The following MTUS2 variants were observed in gnomAD, a reference collection of about 807,000 sequenced individuals.
The protein encoded by MTUS2 is microtubule-associated tumor suppressor candidate 2.
A neutral mutation model predicts 114.1 loss-of-function variants in MTUS2; 40 were observed. The observed-to-expected ratio is 0.35, with a 90% CI of 0.27 to 0.46. The LOEUF (loss-of-function observed/expected upper bound fraction) is 0.46, where lower values mean the gene tolerates loss of function less well. MTUS2 is among the 20% of genes least tolerant of loss of function. The pLI is 1.00. For synonymous variants in MTUS2, 688 were observed against 672.0 expected (o/e 1.02, Z -0.37); for missense variants, 1,679 against 1,705.4 (o/e 0.98, Z 0.27).
chr13:29,441,758 G>A (rs148582012), intron 9 of MTUS2, among the ~76,000 whole-genome samples: 187 of 152,164 alleles, frequency 1.2e-3, no homozygotes, highest in African/African-American at 4.2e-3. Context: ...CTGCCCTCCC[G>A]TGCATGCACA....
intron 5 of MTUS2, among the ~76,000 whole-genome samples, chr13:29,220,534 C>T (rs1036616219): frequency 2.6e-5 from 4 of 152,056 alleles, no homozygotes; most frequent in African/African-American, 9.7e-5. Context: ...TATTGTTGTG[C>T]CTTGGGGAAT....
At chr13:29,213,312 C>T (rs1895532173) in intron 5 of MTUS2, among the ~76,000 whole-genome samples, 1 of 152,186 alleles carries the variant, frequency 6.6e-6, no homozygotes, top group Non-Finnish European at 1.5e-5. Flanking sequence ...ACAGTGTCTA[C>T]TCTGCTGTTT....
intron 8 of MTUS2, among the ~76,000 whole-genome samples, chr13:29,405,743 C>CTTTT (rs35738274): frequency 1.1e-4 from 15 of 141,924 alleles, no homozygotes; most frequent in Admixed American, 5.7e-4. Context: ...TAATTAACTA[C>CTTTT]TTTTTTTTTT....
chr13:29,503,128 C>G lies in MTUS2; in HGVS notation c.4032C>G (p.Leu1344=), dbSNP rs771234334. 6.2e-7 allele frequency: 1 copy of G among 1,614,244 alleles called. No homozygotes were observed. The highest frequency in any genetic ancestry group is 8.5e-7 in the Non-Finnish European group (1 of 1,180,046). The change falls in exon 16 of 16, where the codon CTC becomes CTG. Residue 1344 remains leucine, a synonymous_variant. Transcript: ENST00000612955. ...GGGACCCGACCAGTCCGATTAAACT[C>G]TCGCCCACATCTCCCGTTTACCGCG... is the stretch of plus-strand genomic sequence containing the variant. The part of the protein sequence containing the change: ...QTGDPTSPIK[L]SPTSPVYRGS...
intron 14 of MTUS2, among the ~76,000 whole-genome samples, chr13:29,499,336 T>C (rs971890476): frequency 1.3e-5 from 2 of 152,164 alleles, no homozygotes; most frequent in Non-Finnish European, 1.5e-5. Flanking sequence ...CCCAGAAAAG[T>C]GTGCAAAGGG....
intron 5 of MTUS2, among the ~76,000 whole-genome samples, chr13:29,231,006 A>G (rs1896301664): frequency 6.6e-6 from 1 of 152,190 alleles, no homozygotes; most frequent in Non-Finnish European, 1.5e-5. Flanking sequence ...CTGATTTTAT[A>G]TAGCATAGCC....
At chr13:28,994,907 T>G (rs1285227625) in intron 2 of MTUS2, among the ~76,000 whole-genome samples, 1 of 152,178 alleles carries the variant, frequency 6.6e-6, no homozygotes, top group Non-Finnish European at 1.5e-5. Context: ...TTAGTTTAAT[T>G]AGATCCCCTT....
intron 8 of MTUS2, among the ~76,000 whole-genome samples, chr13:29,375,553 ATATACGTATATATATATAT>A (rs1871573472): frequency 2.8e-5 from 1 of 35,802 alleles, no homozygotes; most frequent in Non-Finnish European, 4.5e-5. Flanking sequence ...ATATATATAT[ATATACGTATATATATATAT>A]ACATATATAT....
intron 9 of MTUS2, among the ~76,000 whole-genome samples, chr13:29,449,541 CTG>C (rs1190629655): frequency 2.0e-5 from 3 of 152,102 alleles, no homozygotes; most frequent in African/African-American, 7.2e-5. Context: ...CATAAGAAAA[CTG>C]AGGGTCAGAA....
chr13:29,193,295 A>G (rs1199930245), intron 5 of MTUS2, among the ~76,000 whole-genome samples: 4 of 151,950 alleles, frequency 2.6e-5, no homozygotes, highest in African/African-American at 9.7e-5. Flanking sequence ...TATAGAACAC[A>G]CCATTCAGCT....
At chr13:29,073,074 C>T (rs893292526) in intron 4 of MTUS2, among the ~76,000 whole-genome samples, 13 of 151,866 alleles carry the variant, frequency 8.6e-5, no homozygotes, top group South Asian at 2.1e-4. Context: ...TATTCTAATC[C>T]GGTGGAAAAG....
At chr13:29,264,002 G>A (rs1897574532) in intron 5 of MTUS2, among the ~76,000 whole-genome samples, 1 of 152,148 alleles carries the variant, frequency 6.6e-6, no homozygotes, top group Non-Finnish European at 1.5e-5. Context: ...AAAGTCCAAA[G>A]GCTCATCTGA....
chr13:28,959,996 A>T (rs1052866425), intron 2 of MTUS2, among the ~76,000 whole-genome samples: 2 of 152,262 alleles, frequency 1.3e-5, no homozygotes, highest in African/African-American at 4.8e-5. Flanking sequence ...AGAATTTGTC[A>T]TACCAAAAAC....
chr13:28,955,142 A>G (rs1008332971), intron 2 of MTUS2, among the ~76,000 whole-genome samples: 1 of 152,120 alleles, frequency 6.6e-6, no homozygotes, highest in Non-Finnish European at 1.5e-5. Flanking sequence ...TGCCCTTTCT[A>G]ACCTATGACA....
At chr13:29,460,373 C>T (rs1437308400) in intron 9 of MTUS2, among the ~76,000 whole-genome samples, 1 of 152,162 alleles carries the variant, frequency 6.6e-6, no homozygotes, top group Non-Finnish European at 1.5e-5. Flanking sequence ...GGTTCTCCCC[C>T]AACCCCCAAT....
chr13:29,389,699 ATATGTG>A (rs1566173957), intron 8 of MTUS2, among the ~76,000 whole-genome samples: 1 of 141,300 alleles, frequency 7.1e-6, no homozygotes, highest in African/African-American at 2.6e-5. Flanking sequence ...ATATATGTGT[ATATGTG>A]TATATGTATA....
At chr13:29,145,197 A>G (rs898607707) in intron 5 of MTUS2, among the ~76,000 whole-genome samples, 19 of 152,288 alleles carry the variant, frequency 1.2e-4, no homozygotes, top group African/African-American at 3.8e-4. Context: ...CACAATTTAC[A>G]TATGTCTTAA....
chr13:29,462,142 A>G (rs2138795540), intron 9 of MTUS2, among the ~76,000 whole-genome samples: 1 of 152,328 alleles, frequency 6.6e-6, no homozygotes, highest in East Asian at 1.9e-4. Context: ...GGTGGAGCCC[A>G]AGAATTTGCA....
At chr13:28,900,159 A>G (rs535886271) in intron 2 of MTUS2, among the ~76,000 whole-genome samples, 9 of 152,374 alleles carry the variant, frequency 5.9e-5, no homozygotes, top group African/African-American at 1.9e-4. Context: ...AAGTGCTAGA[A>G]TTACAGGCGT....
Sources: gnomAD v4.1 joint callset for allele counts (sites outside exome capture counted in the v4.1 genomes callset) on GRCh38, gnomAD v4.1.1 for gene constraint, MANE v1.5 for transcripts, NCBI Gene and HGNC (gene_info 2026-07-23, HGNC 2026-07-21) for gene names.